Variants in C20orf203 observed in about 807,000 individuals in gnomAD.
C20orf203 encodes the protein uncharacterized protein C20orf203.
Under a neutral mutation model 15.9 loss-of-function variants are expected in C20orf203, and 16 were observed. The ratio of observed to expected loss-of-function variants is 1.01; its 90% CI spans 0.68 to 1.53. C20orf203 has a LOEUF of 1.53. C20orf203 is among the 40% of genes most tolerant of loss of function. The probability of loss-of-function intolerance (pLI) is 0.00; values close to 1 mark genes in which losing one functional copy is unlikely to be tolerated. For synonymous variants in C20orf203, 98 were observed against 97.2 expected (o/e 1.01, Z -0.05); for missense variants, 263 against 247.5 (o/e 1.06, Z -0.42).
At chr20:32,652,180 A>G (rs1238475670) in intron 1 of C20orf203, among the ~76,000 whole-genome samples, 199 bp from the exon 2 acceptor site, 1 of 151,928 alleles carries the variant, frequency 6.6e-6, no homozygotes, top group Non-Finnish European at 1.5e-5. Context: ...GTGGTGGTGC[A>G]CGCCTGTAGT....
At chr20:32,652,782 C>T (rs576029716) in intron 1 of C20orf203, among the ~76,000 whole-genome samples, 1 of 152,280 alleles carries the variant, frequency 6.6e-6, no homozygotes, top group South Asian at 2.1e-4. Flanking sequence ...GAGGATGCAG[C>T]ACCAGTGAGA....
chr20:32,659,172 C>T (rs532005243), intron 1 of C20orf203, among the ~76,000 whole-genome samples: 131 of 152,198 alleles, frequency 8.6e-4, no homozygotes, highest in East Asian at 7.7e-4. Flanking sequence ...CCACCGTGCC[C>T]GGCCTAAGAC....
At chr20:32,658,629 A>G (rs1220294600) in intron 1 of C20orf203, among the ~76,000 whole-genome samples, 1 of 152,122 alleles carries the variant, frequency 6.6e-6, no homozygotes, top group Non-Finnish European at 1.5e-5. Flanking sequence ...TGAATTTTCC[A>G]ATTTTTGTTA....
rs1021310281 is a variant in C20orf203, at chr20:32,632,155, T to C, written c.*3415A>G. The C allele has an allele frequency of 1.3e-4, 20 of 152,238 alleles. No individual in the cohort carries two copies. The highest frequency in any genetic ancestry group is 2.5e-4 in the Non-Finnish European group (17 of 68,062). The allele number at this position is 152,238 out of a possible 1,614,324, so 9.4% of individuals were successfully genotyped here. ...AGTCTCCCCAGCCTGGGCTTGCATTTGAGCCTCACAAATACCGCACTGGGG... is the reference window on the plus strand; with the variant it reads ...AGTCTCCCCAGCCTGGGCTTGCATTCGAGCCTCACAAATACCGCACTGGGG... On this transcript the variant is annotated 3_prime_UTR_variant, in exon 6 of 6. Coordinates refer to ENST00000608990, the MANE Select transcript of C20orf203 (RefSeq NM_182584.4).
At chr20:32,637,129 G>C (rs951106474) in intron 5 of C20orf203, among the ~76,000 whole-genome samples, 8 of 152,360 alleles carry the variant, frequency 5.3e-5, no homozygotes, top group African/African-American at 1.7e-4. Context: ...CCAGCACAGG[G>C]CTGGGTGCAA....
At chr20:32,665,432 T>C (rs1033627902) in intron 1 of C20orf203, among the ~76,000 whole-genome samples, 3 of 152,066 alleles carry the variant, frequency 2.0e-5, no homozygotes, top group Non-Finnish European at 4.4e-5. Flanking sequence ...AAGAAAGACA[T>C]AAACACGCAC....
At chr20:32,661,035 T>TG (rs1450512051) in intron 1 of C20orf203, among the ~76,000 whole-genome samples, 2 of 152,140 alleles carry the variant, frequency 1.3e-5, no homozygotes, top group Non-Finnish European at 2.9e-5. Flanking sequence ...GATATTTGTG[T>TG]GGGGACACAG....
At chr20:32,652,784 C>T (rs539599400) in intron 1 of C20orf203, among the ~76,000 whole-genome samples, 1 of 152,256 alleles carries the variant, frequency 6.6e-6, no homozygotes, top group East Asian at 1.9e-4. Flanking sequence ...GGATGCAGCA[C>T]CAGTGAGAGG....
chr20:32,671,245 T>G (rs1826519253), intron 1 of C20orf203, among the ~76,000 whole-genome samples: 1 of 152,240 alleles, frequency 6.6e-6, no homozygotes, highest in South Asian at 2.1e-4. Context: ...ATTGATTGCA[T>G]CATTATTCAC....
intron 1 of C20orf203, among the ~76,000 whole-genome samples, chr20:32,666,155 T>TAAAAAAAAAAAAAAAAAAAAAAGA (rs1983017943): frequency 2.1e-3 from 215 of 102,208 alleles, no homozygotes; most frequent in East Asian, 5.5e-3. Context: ...ATAAATAAAG[T>TAAAAAAAAAAAAAAAAAAAAAAGA]AAAAAAAAAA....
chr20:32,634,025 T>C lies in C20orf203; in HGVS notation c.*1545A>G, dbSNP rs749003631. ...ACTCCTTTCCTCAACAAACATTGAC[T>C]GAAATTGAAATGAGCCAGTTCTACC... is the stretch of plus-strand genomic sequence containing the variant. On this transcript the variant is annotated 3_prime_UTR_variant, in exon 6 of 6. Transcript: ENST00000608990. The C allele has an allele frequency of 2.5e-5, 10 of 398,490 alleles. No homozygotes were observed. Among genetic ancestry groups the C allele is most frequent in the Non-Finnish European group, 4.4e-5 (10 of 226,088 alleles). The allele number at this position is 398,490 out of a possible 1,614,324, so 24.7% of individuals were successfully genotyped here.
chr20:32,650,328 G>T lies in C20orf203; in HGVS notation c.*104C>A. Reference sequence around the variant, plus strand: ...TGCCGGGCCCATCCCCCACTCTGGGGAGCAGAATGATTGTGGGGGGTGGTA... The same window carrying T: ...TGCCGGGCCCATCCCCCACTCTGGGTAGCAGAATGATTGTGGGGGGTGGTA... On this transcript the variant is annotated 3_prime_UTR_variant, in exon 4 of 6. Transcript: ENST00000608990. 1 of 826,972 alleles carries T rather than the reference G, an allele frequency of 1.2e-6. No homozygotes were observed. The highest frequency in any genetic ancestry group is 1.9e-6 in the Non-Finnish European group (1 of 517,842). The allele number at this position is 826,972 out of a possible 1,614,324, so 51.2% of individuals were successfully genotyped here.
At position 32,666,797 on chromosome 20, in the gene C20orf203, T is replaced by TTATATATATATATATATATATA. The variant is rs34933326; in HGVS notation, c.-264+6813_-264+6834dup. Among the ~76,000 whole-genome samples the TTATATATATATATATATATATA allele has an allele frequency of 3.2e-3, 211 of 65,464 alleles. 4 individuals are homozygous for TTATATATATATATATATATATA. The highest frequency in any genetic ancestry group is 6.3e-3 in the South Asian group (9 of 1,422). 42.9% of individuals were successfully genotyped at this position (65,464 alleles called of 152,430 possible). A position where few individuals can be genotyped will look rare whatever the true frequency, so the allele number is the denominator to read the frequency against. On this transcript the variant is annotated intron_variant, in intron 1 of 5. Coordinates refer to ENST00000608990, the MANE Select transcript of C20orf203 (RefSeq NM_182584.4). ...AAAAAAAGATGAAATTAATTTTAAT[T>TTATATATATATATATATATATA]TATATATATATATATATATATATAT...
intron 4 of C20orf203, among the ~76,000 whole-genome samples, chr20:32,646,062 G>A (rs1982418246): frequency 6.6e-6 from 1 of 152,064 alleles, no homozygotes; most frequent in Non-Finnish European, 1.5e-5. Context: ...GGCCTTGGGT[G>A]AGTCACTTAA....
intron 1 of C20orf203, among the ~76,000 whole-genome samples, chr20:32,664,918 G>T (rs976588497): frequency 6.6e-6 from 1 of 152,212 alleles, no homozygotes; most frequent in Non-Finnish European, 1.5e-5. Flanking sequence ...CTGAGTGATC[G>T]GCCAAGGTCA....
chr20:32,643,440 C>A (rs1196009419), intron 4 of C20orf203, among the ~76,000 whole-genome samples: 1 of 152,204 alleles, frequency 6.6e-6, no homozygotes, highest in Admixed American at 6.5e-5. Flanking sequence ...ACCCCAGATT[C>A]TCCCATATTC....
chr20:32,668,045 G>A (rs1306270952), intron 1 of C20orf203, among the ~76,000 whole-genome samples: 1 of 152,298 alleles, frequency 6.6e-6, no homozygotes, highest in South Asian at 2.1e-4. Flanking sequence ...GTGAATCCCT[G>A]CTGCCCCTCT....
chr20:32,656,718 G>C (rs188651490), intron 1 of C20orf203: 1 of 151,970 alleles, frequency 6.6e-6, no homozygotes, highest in African/African-American at 2.4e-5. Flanking sequence ...AAAAAAAATA[G>C]CCAGGTGTGG....
intron 4 of C20orf203, among the ~76,000 whole-genome samples, chr20:32,648,905 A>G (rs1256562860): frequency 6.6e-6 from 1 of 152,194 alleles, no homozygotes; most frequent in Non-Finnish European, 1.5e-5. Flanking sequence ...AGAAAGTGAC[A>G]TTGGTACATT....
Sources: gnomAD v4.1 joint callset for allele counts (sites outside exome capture counted in the v4.1 genomes callset) on GRCh38, gnomAD v4.1.1 for gene constraint, MANE v1.5 for transcripts, NCBI Gene and HGNC (gene_info 2026-07-23, HGNC 2026-07-21) for gene names.